ST6GALNAC3: variants seen among roughly 807,000 people sequenced by gnomAD.
ST6GALNAC3 encodes alpha-N-acetylgalactosaminide alpha-2,6-sialyltransferase 3.
A neutral mutation model predicts 32.7 loss-of-function variants in ST6GALNAC3; 25 were observed. The ratio of observed to expected loss-of-function variants is 0.76; its 90% confidence interval spans 0.56 to 1.07. The LOEUF is 1.07. ST6GALNAC3 is among the 50% of genes least tolerant of loss of function. ST6GALNAC3 has a pLI of 0.00. For missense variants in ST6GALNAC3, 355 were observed against 382.4 expected, an observed-to-expected ratio of 0.93 and a Z score of 0.60; for synonymous variants, 129 against 133.1, an observed-to-expected ratio of 0.97 and a Z score of 0.21.
At chr1:76,402,473 A>G (rs928400708) in intron 2 of ST6GALNAC3, among the ~76,000 whole-genome samples, 1 of 152,008 alleles carries the variant, frequency 6.6e-6, no homozygotes, top group African/African-American at 2.4e-5. Flanking sequence ...TCAACTTCCA[A>G]CTTTCAGCTT....
chr1:76,603,271 C>T (rs563919815), intron 3 of ST6GALNAC3, among the ~76,000 whole-genome samples: 1 of 152,210 alleles, frequency 6.6e-6, no homozygotes, highest in South Asian at 2.1e-4. Context: ...TGAATGTTTA[C>T]AGAGGTAATG....
chr1:76,413,293 A>G (rs1225870707), intron 3 of ST6GALNAC3, among the ~76,000 whole-genome samples: 7 of 152,180 alleles, frequency 4.6e-5, no homozygotes. Context: ...TCTAGCGCTA[A>G]TAAAGAACTG....
intron 1 of ST6GALNAC3, among the ~76,000 whole-genome samples, chr1:76,118,859 G>T (rs147692325): frequency 1.3e-5 from 2 of 152,090 alleles, no homozygotes; most frequent in African/African-American, 4.8e-5. Context: ...GTCTCACTCT[G>T]TCGCCCAGGC....
intron 3 of ST6GALNAC3, among the ~76,000 whole-genome samples, chr1:76,562,378 C>T (rs1665293219): frequency 6.6e-6 from 1 of 152,046 alleles, no homozygotes; most frequent in South Asian, 2.1e-4. Flanking sequence ...TTACATAGTT[C>T]AGGAAAATTA....
At chr1:76,242,066 C>A (rs1238587006) in intron 1 of ST6GALNAC3, among the ~76,000 whole-genome samples, 2 of 152,256 alleles carry the variant, frequency 1.3e-5, no homozygotes, top group African/African-American at 4.8e-5. Context: ...ATGCATAGTG[C>A]CTGGTACATA....
At chr1:76,549,952 AGGTATCTT>A (rs1417611116) in intron 3 of ST6GALNAC3, among the ~76,000 whole-genome samples, 1 of 152,224 alleles carries the variant, frequency 6.6e-6, no homozygotes, top group Non-Finnish European at 1.5e-5. Flanking sequence ...ATCTTTAAAT[AGGTATCTT>A]GGCCAATCAA....
intron 3 of ST6GALNAC3, among the ~76,000 whole-genome samples, chr1:76,529,917 G>C (rs540563777): frequency 6.6e-5 from 10 of 152,294 alleles, no homozygotes; most frequent in South Asian, 4.1e-4. Flanking sequence ...CACAAAAGCA[G>C]TTCCTCACAT....
intron 3 of ST6GALNAC3, among the ~76,000 whole-genome samples, chr1:76,619,949 T>C (rs1006773659): frequency 3.2e-4 from 48 of 152,070 alleles, no homozygotes; most frequent in African/African-American, 1.1e-3. Flanking sequence ...TCCTCTTCAA[T>C]TCCCTCAGCT....
chr1:76,280,048 G>C (rs1367526866), intron 1 of ST6GALNAC3, among the ~76,000 whole-genome samples: 1 of 150,924 alleles, frequency 6.6e-6, no homozygotes. Flanking sequence ...CTCATTTTTC[G>C]TTCTCTTATT....
chr1:76,352,865 C>T (rs978151292), intron 2 of ST6GALNAC3, among the ~76,000 whole-genome samples: 4 of 152,156 alleles, frequency 2.6e-5, no homozygotes, highest in Non-Finnish European at 5.9e-5. Flanking sequence ...CTAGACATTT[C>T]TCTGTCTGCC....
At chr1:76,542,199 G>A (rs1175191621) in intron 3 of ST6GALNAC3, among the ~76,000 whole-genome samples, 1 of 152,144 alleles carries the variant, frequency 6.6e-6, no homozygotes, top group Non-Finnish European at 1.5e-5. Flanking sequence ...AGGCTGATAG[G>A]ATGGCTGGGC....
intron 3 of ST6GALNAC3, among the ~76,000 whole-genome samples, chr1:76,518,376 T>C (rs1662300614): frequency 6.6e-6 from 1 of 152,138 alleles, no homozygotes; most frequent in Admixed American, 6.5e-5. Flanking sequence ...GCTTCTATTT[T>C]TAATGAGGAG....
rs140830632 is a variant in ST6GALNAC3, at chr1:76,206,314, C to T, written c.19-107491C>T. ...TAATTCTCCTTTAGGCTGTGGAAGG[C>T]AGTGGGGGTGCGGAAAGAGTGTGAC... On this transcript the variant is annotated intron_variant, in intron 1 of 4. Transcript: ENST00000328299. Among the ~76,000 whole-genome samples, 1,226 of 152,250 alleles carry T rather than the reference C, an allele frequency of 8.1e-3. 21 individuals are homozygous for T. Among genetic ancestry groups the T allele is most frequent in the African/African-American group, 0.028 (1,162 of 41,548 alleles).
chr1:76,366,917 T>C (rs1184030211), intron 2 of ST6GALNAC3, among the ~76,000 whole-genome samples: 1 of 152,202 alleles, frequency 6.6e-6, no homozygotes, highest in East Asian at 1.9e-4. Context: ...GAAGTCTTTG[T>C]TGTAAGTATT....
At chr1:76,323,691 CAT>C (rs1021675151) in intron 2 of ST6GALNAC3, among the ~76,000 whole-genome samples, 3 of 152,044 alleles carry the variant, frequency 2.0e-5, no homozygotes, top group Non-Finnish European at 2.9e-5. Flanking sequence ...GGTAGAATAA[CAT>C]GTGAAAGATT....
chr1:76,627,224 G>A (rs1222463184), intron 3 of ST6GALNAC3, among the ~76,000 whole-genome samples: 1 of 151,936 alleles, frequency 6.6e-6, no homozygotes, highest in Non-Finnish European at 1.5e-5. Flanking sequence ...ACACAACATA[G>A]CTTTGAGGCT....
chr1:76,200,646 C>T (rs1206187054), intron 1 of ST6GALNAC3, among the ~76,000 whole-genome samples: 1 of 152,018 alleles, frequency 6.6e-6, no homozygotes, highest in African/African-American at 2.4e-5. Context: ...TTGAGCTGGT[C>T]TTTGGCTTAA....
intron 1 of ST6GALNAC3, among the ~76,000 whole-genome samples, chr1:76,166,953 G>A (rs1265355380): frequency 6.6e-6 from 1 of 152,100 alleles, no homozygotes; most frequent in South Asian, 2.1e-4. Flanking sequence ...TACAAACAGG[G>A]ATAGTTTGAC....
At chr1:76,422,297 G>A (rs1655080645) in intron 3 of ST6GALNAC3, among the ~76,000 whole-genome samples, 1 of 151,984 alleles carries the variant, frequency 6.6e-6, no homozygotes, top group East Asian at 1.9e-4. Context: ...AGAAAAAAAT[G>A]CATCCACTCA....
Sources: allele counts gnomAD v4.1 joint callset (sites outside exome capture counted in the v4.1 genomes callset), GRCh38; gene constraint gnomAD v4.1.1; transcripts MANE v1.5; gene names NCBI Gene and HGNC (gene_info 2026-07-23, HGNC 2026-07-21).